Variants in TENM3 observed in about 807,000 individuals in gnomAD.
TENM3 encodes teneurin-3.
In TENM3, 63 loss-of-function variants were observed where a neutral mutation model predicts 255.1. That is an observed-to-expected ratio of 0.25 (90% confidence interval 0.20 to 0.30). The LOEUF (loss-of-function observed/expected upper bound fraction) is 0.30, where lower values mean the gene tolerates loss of function less well. Among genes scored for constraint, TENM3 ranks in the 10% least tolerant of loss-of-function variants. The probability of loss-of-function intolerance (pLI) is 1.00; values close to 1 mark genes in which losing one functional copy is unlikely to be tolerated. For synonymous variants in TENM3, 1,306 were observed against 1,322.3 expected, an observed-to-expected ratio of 0.99 and a Z score of 0.27; for missense variants, 2,929 against 3,461.1, an observed-to-expected ratio of 0.85 and a Z score of 3.86.
chr4:181,846,437 A>C, the TENM3 span, among the ~76,000 whole-genome samples: 1 of 152,162 alleles, frequency 6.6e-6, no homozygotes. Flanking sequence ...TCCAGGGAAG[A>C]CTGTGGTGAC....
chr4:182,269,568 C>A (rs549656844), intron 1 of TENM3, among the ~76,000 whole-genome samples: 3 of 151,902 alleles, frequency 2.0e-5, no homozygotes, highest in Non-Finnish European at 2.9e-5. Context: ...ATCTAAAAAT[C>A]GGACAAACTC....
intron 1 of TENM3, among the ~76,000 whole-genome samples, chr4:182,185,764 T>G (rs143678014): frequency 7.2e-5 from 11 of 152,348 alleles, no homozygotes; most frequent in Non-Finnish European, 1.3e-4. Context: ...AATTTCTGCT[T>G]CTTCTGTTGA....
intron 26 of TENM3, among the ~76,000 whole-genome samples, chr4:182,795,062 T>C (rs1766401222): frequency 6.6e-6 from 1 of 152,122 alleles, no homozygotes; most frequent in Non-Finnish European, 1.5e-5. Flanking sequence ...AGATGTCTGT[T>C]CTCTCAGTTC....
the TENM3 span, among the ~76,000 whole-genome samples, chr4:181,452,262 A>C: frequency 6.6e-6 from 1 of 152,208 alleles, no homozygotes; most frequent in African/African-American, 2.4e-5. Flanking sequence ...GAAATTGAAG[A>C]GATAAATAGG....
intron 6 of TENM3, among the ~76,000 whole-genome samples, chr4:182,655,949 G>T (rs768140603): frequency 1.3e-5 from 2 of 151,898 alleles, no homozygotes; most frequent in Admixed American, 6.6e-5. Context: ...TTTAACAAAC[G>T]CCACTTGCAA....
At chr4:182,574,813 G>A (rs1282862975) in intron 3 of TENM3, among the ~76,000 whole-genome samples, 4 of 151,986 alleles carry the variant, frequency 2.6e-5, no homozygotes, top group Admixed American at 1.3e-4. Flanking sequence ...ATGCAATTGC[G>A]GATGGTTTGT....
At chr4:182,543,685 G>C (rs978612972) in intron 3 of TENM3, among the ~76,000 whole-genome samples, 2 of 151,908 alleles carry the variant, frequency 1.3e-5, no homozygotes, top group African/African-American at 4.8e-5. Flanking sequence ...ATATGTGTGT[G>C]TATATATGTA....
At chr4:182,619,220 G>C (rs915595168) in intron 4 of TENM3, among the ~76,000 whole-genome samples, 2 of 152,028 alleles carry the variant, frequency 1.3e-5, no homozygotes, top group African/African-American at 4.8e-5. Context: ...GAGGTCAGGA[G>C]ATCAAGACCA....
intron 22 of TENM3, among the ~76,000 whole-genome samples, chr4:182,766,374 A>C (rs537260332): frequency 6.6e-6 from 1 of 152,100 alleles, no homozygotes; most frequent in Admixed American, 6.6e-5. Context: ...TAAACAATTT[A>C]AAAAAGAAAA....
intron 1 of TENM3, among the ~76,000 whole-genome samples, chr4:182,235,407 T>C (rs1187667968): frequency 6.6e-6 from 1 of 152,206 alleles, no homozygotes; most frequent in Non-Finnish European, 1.5e-5. Flanking sequence ...TCAGGAAGAC[T>C]GTAGCGTGCA....
chr4:181,964,069 T>C, the TENM3 span, among the ~76,000 whole-genome samples: 1 of 118,668 alleles, frequency 8.4e-6, no homozygotes, highest in South Asian at 2.5e-4. Flanking sequence ...ACCTTCCGAT[T>C]TTTTTTTTTT....
chr4:182,054,450 G>A, the TENM3 span, among the ~76,000 whole-genome samples: 1 of 152,166 alleles, frequency 6.6e-6, no homozygotes. Context: ...ACTGTTAGGG[G>A]AGAAATTAAT....
At chr4:182,489,923 A>G (rs17073393) in intron 3 of TENM3, among the ~76,000 whole-genome samples, 1,917 of 151,342 alleles carry the variant, frequency 0.013, 36 homozygotes, top group African/African-American at 0.045. Context: ...TGTTGCCTTA[A>G]TAGAAATAAC....
intron 3 of TENM3, among the ~76,000 whole-genome samples, chr4:182,359,895 C>A (rs13147486): frequency 6.7e-6 from 1 of 148,696 alleles, no homozygotes. Flanking sequence ...GCTTTGAATG[C>A]GTCCCAGAGA....
At chr4:182,419,024 T>A (rs1770596391) in intron 3 of TENM3, among the ~76,000 whole-genome samples, 1 of 152,190 alleles carries the variant, frequency 6.6e-6, no homozygotes, top group Non-Finnish European at 1.5e-5. Flanking sequence ...TTTGGAAAAT[T>A]AGTTTTCAAT....
chr4:182,177,358 G>A lies in TENM3; in HGVS notation c.-76+32604G>A, dbSNP rs553126186. 1.3e-4 allele frequency among the ~76,000 whole-genome samples: 19 copies of A among 151,972 alleles called. No homozygotes were observed. The South Asian group carries it at 1.5e-3, about 12-fold the overall frequency. ...AAATATCTTACACATTCTTCTGCCC[G>A]GCTGCATTGGAGTTCCTGCTTAGCA... On this transcript the variant is annotated intron_variant, in intron 1 of 2. Transcript: ENST00000512480.
chr4:182,689,445 GT>G (rs1472195549), intron 12 of TENM3, among the ~76,000 whole-genome samples: 3 of 152,138 alleles, frequency 2.0e-5, no homozygotes, highest in African/African-American at 7.2e-5. Context: ...CTTCATGTAA[GT>G]TTTTTTCTAA....
the TENM3 span, among the ~76,000 whole-genome samples, chr4:181,725,869 C>T: frequency 1.3e-5 from 2 of 152,034 alleles, no homozygotes; most frequent in African/African-American, 4.8e-5. Context: ...ATCCTAATAC[C>T]AGTACGATAG....
At chr4:181,727,139 G>T in the TENM3 span, among the ~76,000 whole-genome samples, 1 of 152,158 alleles carries the variant, frequency 6.6e-6, no homozygotes, top group Non-Finnish European at 1.5e-5. Flanking sequence ...TTGGCCATTG[G>T]TGATCAACTT....
Sources: gnomAD v4.1 joint callset for allele counts (sites outside exome capture counted in the v4.1 genomes callset) on GRCh38, gnomAD v4.1.1 for gene constraint, MANE v1.5 for transcripts, NCBI Gene and HGNC (gene_info 2026-07-23, HGNC 2026-07-21) for gene names.